NCAPG2: variants seen among roughly 807,000 people sequenced by gnomAD.
NCAPG2 encodes non-SMC condensin II complex subunit G2.
Under a neutral mutation model 141.1 loss-of-function variants are expected in NCAPG2, and 53 were observed. The observed-to-expected ratio is 0.38, with a 90% CI of 0.30 to 0.47. The LOEUF (loss-of-function observed/expected upper bound fraction) is 0.47, where lower values mean the gene tolerates loss of function less well. Among genes scored for constraint, NCAPG2 ranks in the 20% least tolerant of loss-of-function variants. The probability of loss-of-function intolerance (pLI) is 0.99; values close to 1 mark genes in which losing one functional copy is unlikely to be tolerated. For missense variants in NCAPG2, 1,087 were observed against 1,389.0 expected (o/e 0.78, Z 3.46); for synonymous variants, 499 against 490.7 (o/e 1.02, Z -0.22).
intron 27 of NCAPG2, among the ~76,000 whole-genome samples, chr7:158,634,388 CTA>C (rs1412256099): frequency 2.0e-5 from 3 of 152,016 alleles, no homozygotes; most frequent in African/African-American, 7.3e-5. Flanking sequence ...ATACTATATA[CTA>C]TATTGTTTAT....
At position 158,701,957 on chromosome 7, in the gene NCAPG2, A is replaced by G; in HGVS notation, c.-39-19T>C. On this transcript the variant is annotated intron_variant, in intron 1 of 27. Transcript: ENST00000356309. ...TGTAACCCTAATGGAAAACACAATC[A>G]TACTGAAACACTTGCAAATATATCT... 1 of 1,351,266 alleles carries G rather than the reference A, an allele frequency of 7.4e-7. No homozygotes were observed. Among genetic ancestry groups the G allele is most frequent in the Non-Finnish European group, 1.0e-6 (1 of 969,058 alleles). 83.7% of individuals were successfully genotyped at this position (1,351,266 alleles called of 1,614,324 possible). A position where few individuals can be genotyped will look rare whatever the true frequency, so the allele number is the denominator to read the frequency against.
intron 15 of NCAPG2, among the ~76,000 whole-genome samples, chr7:158,663,976 T>C (rs1832725650): frequency 6.6e-6 from 1 of 152,270 alleles, no homozygotes; most frequent in Non-Finnish European, 1.5e-5. Context: ...ATTTTTCTTC[T>C]GTATTAAGTC....
chr7:158,664,391 T>C, intron 14 of NCAPG2, 95 bp from the exon 15 acceptor site: 1 of 1,507,738 alleles, frequency 6.6e-7, no homozygotes, highest in South Asian at 1.2e-5. Context: ...TAGTCAAAAG[T>C]ACTATTTTAA....
At position 158,633,256 on chromosome 7, in the gene NCAPG2, G is replaced by A. The variant is rs1829998012; in HGVS notation, c.3381-1539C>T. 6.6e-6 allele frequency among the ~76,000 whole-genome samples: 1 copy of A among 150,862 alleles called. No individual in the cohort carries two copies. The highest frequency in any genetic ancestry group is 1.5e-5 in the Non-Finnish European group (1 of 67,882). Reference sequence around the variant, plus strand: ...CTCCTCGTGAGTATTTATGGTCTATGTTCTGAGACATCTCTCCAAATTGAC... The same window carrying A: ...CTCCTCGTGAGTATTTATGGTCTATATTCTGAGACATCTCTCCAAATTGAC... On this transcript the variant is annotated intron_variant, in intron 27 of 27. Transcript: ENST00000356309. This position sits in a 1 kb window ranked among gnomAD's most constrained non-coding sequence, Gnocchi z 4.1.
chr7:158,639,707 AC>A (rs1830509455), intron 27 of NCAPG2: 1 of 286,358 alleles, frequency 3.5e-6, no homozygotes, highest in South Asian at 1.4e-4. Flanking sequence ...AAACTGCTCC[AC>A]AACACTGAAA....
Position 158,690,557 on chromosome 7 carries a change from A to T in NCAPG2, c.537+11T>A, listed in dbSNP as rs750730593. ...AGACCCTGTCTTTAAAAAAATAAAA[A>T]GTGAGCATACTGTCTTAGTCTCCAG... On this transcript the variant is annotated intron_variant, in intron 5 of 27. Coordinates refer to ENST00000356309, the MANE Select transcript of NCAPG2 (RefSeq NM_017760.7). 1.2e-6 allele frequency: 2 copies of T among 1,611,426 alleles called. No homozygotes were observed. Among genetic ancestry groups the T allele is most frequent in the Non-Finnish European group, 1.7e-6 (2 of 1,178,110 alleles).
At chr7:158,643,677 C>T (rs1451729307) in intron 27 of NCAPG2, among the ~76,000 whole-genome samples, 3 of 152,232 alleles carry the variant, frequency 2.0e-5, no homozygotes, top group Non-Finnish European at 4.4e-5. Context: ...CAGAGCTTTA[C>T]AACGCTTCAC....
chr7:158,637,306 A>T lies in NCAPG2; in HGVS notation c.3381-5589T>A, dbSNP rs186651540. On this transcript the variant is annotated intron_variant, in intron 27 of 27. Transcript: ENST00000356309. ...CTCAATCATTTTTAGAATAAAGTAC[A>T]TAATTGAATGCATTTCATTCACTCA... Among the ~76,000 whole-genome samples the T allele has an allele frequency of 1.2e-3, 177 of 152,286 alleles. 1 individual carries two copies. The highest frequency in any genetic ancestry group is 3.9e-3 in the African/African-American group (162 of 41,566).
intron 13 of NCAPG2, among the ~76,000 whole-genome samples, chr7:158,670,543 C>A (rs1417714195): frequency 1.3e-5 from 2 of 152,194 alleles, no homozygotes; most frequent in East Asian, 3.9e-4. Context: ...CAGAGTGGGA[C>A]CCTGTCTCCC....
In NCAPG2 at chr7:158,671,673, CAGAG is replaced by C. The variant is rs760593984; in HGVS notation, c.1327-11_1327-8del. Reference sequence around the variant, plus strand: ...CCAAAATCATTGGCAGACACTGCAACAGAGAGAAAGATAAACAATTCAAAATCAG... The same window carrying C: ...CCAAAATCATTGGCAGACACTGCAACAGAAAGATAAACAATTCAAAATCAG... On this transcript the variant is annotated splice_polypyrimidine_tract_variant and splice_region_variant and intron_variant, in intron 12 of 27. Transcript: ENST00000356309. The C allele has an allele frequency of 6.2e-7, 1 of 1,613,236 alleles. No homozygotes were observed. The highest frequency in any genetic ancestry group is 1.1e-5 in the South Asian group (1 of 90,748).
At chr7:158,655,494 C>T (rs773482394) in intron 19 of NCAPG2, 39 bp from the exon 20 acceptor site, 1 of 1,520,996 alleles carries the variant, frequency 6.6e-7, no homozygotes, top group Non-Finnish European at 9.1e-7. Flanking sequence ...TGCTGACTGA[C>T]AAGGCACCAC....
In NCAPG2 at chr7:158,656,243, T is replaced by C. The variant is rs1326444001; in HGVS notation, c.2388+17A>G. ...ACAATCATAGGAAACCACTCAACTC[T>C]CAGGGCACAGAGTTACCTTTGACGT... is the stretch of plus-strand genomic sequence containing the variant. On this transcript the variant is annotated intron_variant, in intron 19 of 27. Transcript: ENST00000356309. The C allele has an allele frequency of 6.2e-7, 1 of 1,611,830 alleles. No homozygotes were observed.
rs1830010089 is a variant in NCAPG2, at chr7:158,633,463, C to G, written c.3381-1746G>C. Among the ~76,000 whole-genome samples, 1 of 152,216 alleles carries G rather than the reference C, an allele frequency of 6.6e-6. No homozygotes were observed. Among genetic ancestry groups the G allele is most frequent in the South Asian group, 2.1e-4 (1 of 4,834 alleles). On this transcript the variant is annotated intron_variant, in intron 27 of 27. Transcript: ENST00000356309. This position sits in a 1 kb window ranked among gnomAD's most constrained non-coding sequence, Gnocchi z 4.1. ...TGTGGTTATTTCTGCCTGTGTTGAA[C>G]CAGGGGTGAGGGCACAGCTATGTGG... is the stretch of plus-strand genomic sequence containing the variant.
chr7:158,664,594 T>A lies in NCAPG2; in HGVS notation c.1636A>T (p.Met546Leu). The change falls in exon 14 of 28, where the codon ATG becomes TTG. Residue 546 changes from methionine (M) to leucine (L), a missense_variant. Physicochemically the swap from Met to Leu is conservative, Grantham distance 15. Coordinates refer to ENST00000356309, the MANE Select transcript of NCAPG2 (RefSeq NM_017760.7). ...WCERCVTLVQ[M>L]NHAAARRFYQ... The stretch of plus-strand genomic sequence containing the variant: ...AACCTCCTGGCAGCGGCGTGGTTCA[T>A]CTGCACCAGGGTGACACAGCGCTCG... The A allele has an allele frequency of 6.2e-7, 1 of 1,614,182 alleles. No homozygotes were observed. The highest frequency in any genetic ancestry group is 8.5e-7 in the Non-Finnish European group (1 of 1,180,028).
chr7:158,664,368 T>G (rs1413100977), intron 14 of NCAPG2, 72 bp from the exon 15 acceptor site: 10 of 1,526,460 alleles, frequency 6.6e-6, no homozygotes, highest in Non-Finnish European at 9.1e-6. Flanking sequence ...GATAGTGAAA[T>G]TATAATCCCA....
intron 22 of NCAPG2, among the ~76,000 whole-genome samples, chr7:158,652,984 A>G (rs1343617800): frequency 2.0e-5 from 3 of 152,270 alleles, no homozygotes; most frequent in Admixed American, 6.5e-5. Flanking sequence ...TTCCTAAATG[A>G]TAAGTGAAGT....
At chr7:158,685,196 G>A (rs1726630023) in intron 8 of NCAPG2, among the ~76,000 whole-genome samples, 1 of 152,156 alleles carries the variant, frequency 6.6e-6, no homozygotes, top group African/African-American at 2.4e-5. Context: ...TGGGATTGTG[G>A]ATTACATAGC....
chr7:158,700,119 T>C (rs915019485), intron 2 of NCAPG2, among the ~76,000 whole-genome samples: 57 of 152,312 alleles, frequency 3.7e-4, no homozygotes, highest in Admixed American at 3.3e-3. Context: ...ATGGCATTTC[T>C]GTCATTCAAC....
At chr7:158,691,281 T>C (rs1405928804) in intron 4 of NCAPG2, among the ~76,000 whole-genome samples, 2 of 152,242 alleles carry the variant, frequency 1.3e-5, no homozygotes, top group Admixed American at 1.3e-4. Flanking sequence ...TGAATGTCAT[T>C]ACACTAATAT....
Sources: gnomAD v4.1 joint callset for allele counts (sites outside exome capture counted in the v4.1 genomes callset) on GRCh38, gnomAD v4.1.1 for gene constraint, Gnocchi (gnomAD v3.1) non-coding constraint, MANE v1.5 for transcripts, NCBI Gene and HGNC (gene_info 2026-07-23, HGNC 2026-07-21) for gene names.